MTO1: variants seen among roughly 807,000 people sequenced by gnomAD.
MTO1 encodes 5-taurinomethyluridine-[tRNA] synthase subunit MTO1, mitochondrial.
Under a neutral mutation model 71.6 loss-of-function variants are expected in MTO1, and 46 were observed. The observed-to-expected ratio is 0.64, with a 90% CI of 0.51 to 0.82. The LOEUF (loss-of-function observed/expected upper bound fraction) is 0.82. Among genes scored for constraint, MTO1 ranks in the 40% least tolerant of loss-of-function variants. MTO1 has a pLI of 0.00. For synonymous variants in MTO1, 297 were observed against 312.1 expected, an observed-to-expected ratio of 0.95 and a Z score of 0.51; for missense variants, 773 against 867.5, an observed-to-expected ratio of 0.89 and a Z score of 1.37.
At chr6:73,488,267 T>A (rs1381296771) in intron 9 of MTO1, among the ~76,000 whole-genome samples, 1 of 151,448 alleles carries the variant, frequency 6.6e-6, no homozygotes, top group Non-Finnish European at 1.5e-5. Flanking sequence ...TCAAGCTCCA[T>A]GACTCAGGTG....
chr6:73,500,505 T>A (rs1260944220), intron 11 of MTO1, 69 bp from the exon 12 acceptor site: 1 of 1,380,300 alleles, frequency 7.2e-7, no homozygotes, highest in Non-Finnish European at 9.9e-7. Context: ...AGATTGTTAT[T>A]TGGAGGAAAA....
chr6:73,466,330 A>G lies in MTO1; in HGVS notation c.339A>G (p.Val113=), dbSNP rs776394925. 47 of 1,614,040 alleles carry G rather than the reference A, an allele frequency of 2.9e-5. No individual in the cohort carries two copies. The highest frequency in any genetic ancestry group is 3.7e-5 in the Non-Finnish European group (44 of 1,180,042). Reference sequence around the variant, plus strand: ...ACCAGTCTGGTGTACATTATAAAGTATTAAACCGGCGTAAGGGACCAGCTG... The same window carrying G: ...ACCAGTCTGGTGTACATTATAAAGTGTTAAACCGGCGTAAGGGACCAGCTG... ...ICDQSGVHYK[V]LNRRKGPAVW... The change falls in exon 2 of 12, where the codon GTA becomes GTG. Residue 113 remains valine (V), a synonymous_variant. Coordinates refer to ENST00000498286, the MANE Select transcript of MTO1 (RefSeq NM_012123.4).
intron 9 of MTO1, among the ~76,000 whole-genome samples, chr6:73,485,404 G>C (rs1293374955): frequency 6.6e-6 from 1 of 151,532 alleles, no homozygotes; most frequent in Non-Finnish European, 1.5e-5. Flanking sequence ...TTTGATTTGA[G>C]AATATTTGCA....
intron 1 of MTO1, 53 bp downstream of exon 1, chr6:73,462,124 C>T (rs1194542942): frequency 1.3e-6 from 2 of 1,569,454 alleles, no homozygotes; most frequent in African/African-American, 1.4e-5. Context: ...CTGCTTCCTT[C>T]CCGCCTCCCC....
chr6:73,502,432 A>C lies in MTO1; in HGVS notation c.*1697A>C, dbSNP rs1276936987. 1 of 151,906 alleles carries C rather than the reference A, an allele frequency of 6.6e-6. No homozygotes were observed. Among genetic ancestry groups the C allele is most frequent in the Non-Finnish European group, 1.5e-5 (1 of 67,980 alleles). The allele number at this position is 151,906 out of a possible 1,614,324, so 9.4% of individuals were successfully genotyped here. On this transcript the variant is annotated 3_prime_UTR_variant, in exon 12 of 12. Coordinates refer to ENST00000498286, the MANE Select transcript of MTO1 (RefSeq NM_012123.4). Reference sequence around the variant, plus strand: ...GCACTCCAGCCTGGGCGACAGAGTGAGACTGTTTCAAAAAAAAGAAAAAGA... The same window carrying C: ...GCACTCCAGCCTGGGCGACAGAGTGCGACTGTTTCAAAAAAAAGAAAAAGA...
intron 1 of MTO1, among the ~76,000 whole-genome samples, chr6:73,465,567 AAAAAG>A (rs1770963566): frequency 6.6e-6 from 1 of 152,170 alleles, no homozygotes; most frequent in Non-Finnish European, 1.5e-5. Context: ...TGCTGTATCA[AAAAAG>A]AACAAATTTA....
At position 73,482,082 on chromosome 6, in the gene MTO1, A is replaced by G; in HGVS notation, c.1303A>G (p.Lys435Glu). Reference protein sequence around the residue: ...GINASLRVSRKPPFVVSRTEG... With the variant: ...GINASLRVSREPPFVVSRTEG... ...CAACGCCAGTCTTCGGGTCAGTCGC[A>G]AGCCTCCCTTTGTGGTTAGCCGAAC... Residue 435 changes from lysine to glutamate, a missense_variant, in exon 8 of 12, where the codon AAG (lysine) becomes GAG (glutamate). Physicochemically the swap from Lys to Glu is moderately conservative, Grantham distance 56. Transcript: ENST00000498286. 6.2e-7 allele frequency: 1 copy of G among 1,614,168 alleles called. No homozygotes were observed. Among genetic ancestry groups the G allele is most frequent in the Non-Finnish European group, 8.5e-7 (1 of 1,180,026 alleles).
At position 73,497,831 on chromosome 6, in the gene MTO1, A is replaced by G; in HGVS notation, c.1852A>G (p.Thr618Ala). Reference sequence around the variant, plus strand: ...ACTGCCAAAAGACCTAGATTATTTGACTATCAGGGATGTGTCTTTGTCCCA... The same window carrying G: ...ACTGCCAAAAGACCTAGATTATTTGGCTATCAGGGATGTGTCTTTGTCCCA... Reference protein sequence around the residue: ...LQLPKDLDYLTIRDVSLSHEV... With the variant: ...LQLPKDLDYLAIRDVSLSHEV... The change falls in exon 11 of 12, where the codon ACT becomes GCT. Residue 618 changes from threonine (T) to alanine (A), a missense_variant. Thr to Ala is a moderately conservative substitution (Grantham distance 58). Transcript: ENST00000498286. 6.2e-7 allele frequency: 1 copy of G among 1,613,986 alleles called. No individual in the cohort carries two copies. The highest frequency in any genetic ancestry group is 8.5e-7 in the Non-Finnish European group (1 of 1,179,870).
chr6:73,488,569 TTG>T (rs1771720226), intron 9 of MTO1, among the ~76,000 whole-genome samples: 1 of 152,102 alleles, frequency 6.6e-6, no homozygotes, highest in South Asian at 2.1e-4. Context: ...ATTCTGTGGA[TTG>T]TGTTTTCACT....
intron 9 of MTO1, among the ~76,000 whole-genome samples, chr6:73,484,938 T>G (rs116991265): frequency 0.022 from 3,383 of 151,560 alleles, 68 homozygotes; most frequent in Non-Finnish European, 0.036. Context: ...TCCCAGCTAT[T>G]CAAGAGGCTG....
At chr6:73,492,906 C>T (rs1235519666) in intron 10 of MTO1, among the ~76,000 whole-genome samples, 4 of 149,934 alleles carry the variant, frequency 2.7e-5, no homozygotes, top group African/African-American at 7.4e-5. Context: ...AGGTGATTTA[C>T]ATGCACATTT....
chr6:73,482,699 T>A, intron 9 of MTO1, 79 bp downstream of exon 9: 2 of 1,226,986 alleles, frequency 1.6e-6, no homozygotes, highest in Non-Finnish European at 2.2e-6. Flanking sequence ...AGACATTACC[T>A]ATGTGTTCCT....
chr6:73,499,557 A>C (rs1322746307), intron 11 of MTO1, among the ~76,000 whole-genome samples: 1 of 152,050 alleles, frequency 6.6e-6, no homozygotes, highest in Admixed American at 6.6e-5. Context: ...AATAAAATGT[A>C]AAATTCAGTT....
At chr6:73,494,778 T>C (rs1430239180) in intron 10 of MTO1, among the ~76,000 whole-genome samples, 1 of 148,260 alleles carries the variant, frequency 6.7e-6, no homozygotes, top group East Asian at 2.0e-4. Flanking sequence ...TCCTGGCCTT[T>C]TTTTTTTTTT....
At position 73,466,543 on chromosome 6, in the gene MTO1, C is replaced by T. The variant is rs1246214730; in HGVS notation, c.472C>T (p.Leu158Phe). Residue 158 changes from leucine (L) to phenylalanine (F), a missense_variant, in exon 3 of 12, where the codon CTT (leucine) becomes TTT (phenylalanine). Transcript: ENST00000498286. The stretch of plus-strand genomic sequence containing the variant: ...TGTTCAGGAGGGAGCTGTAGAAGAT[C>T]TTATTCTTACAGAACCAGAGCCTGA... Reference protein sequence around the residue: ...LTVQEGAVEDLILTEPEPEHT... With the variant: ...LTVQEGAVEDFILTEPEPEHT... 6.2e-7 allele frequency: 1 copy of T among 1,614,038 alleles called. No homozygotes were observed. Among genetic ancestry groups the T allele is most frequent in the Admixed American group, 1.7e-5 (1 of 59,980 alleles).
In MTO1 at chr6:73,482,225, C is replaced by G. The variant is rs2150037248; in HGVS notation, c.1446C>G (p.Asp482Glu). 2.5e-6 allele frequency: 4 copies of G among 1,614,134 alleles called. No individual in the cohort carries two copies. The highest frequency in any genetic ancestry group is 3.4e-6 in the Non-Finnish European group (4 of 1,180,034). ...FRLSLRPDNA[D>E]SRLTLRGYKD... ...TGTCACTGCGCCCTGATAATGCTGA[C>G]AGCCGGCTCACACTGCGAGGTAACT... The change falls in exon 8 of 12, where the codon GAC becomes GAG. Residue 482 changes from aspartate to glutamate, a missense_variant. By Grantham distance (45) the Asp-to-Glu change is conservative. Transcript: ENST00000498286.
rs116172716 is a variant in MTO1 at position 73,471,681 on chromosome 6, G to T, written c.536-1684G>T. 6.8e-3 allele frequency: 1,280 copies of T among 188,058 alleles called. 23 individuals carry two copies. The highest frequency in any genetic ancestry group is 0.028 in the African/African-American group (1,176 of 41,954). The allele number at this position is 188,058 out of a possible 1,614,324, so 11.6% of individuals were successfully genotyped here. ...GATCTTCCTGCCCCAGTCTCTCAAAGTGTTCATATTATAGTCATGAGCCAC... is the reference window on the plus strand; with the variant it reads ...GATCTTCCTGCCCCAGTCTCTCAAATTGTTCATATTATAGTCATGAGCCAC... On this transcript the variant is annotated intron_variant, in intron 3 of 11. Coordinates refer to ENST00000498286, the MANE Select transcript of MTO1 (RefSeq NM_012123.4).
chr6:73,469,998 G>A (rs746645153), intron 3 of MTO1, among the ~76,000 whole-genome samples: 17 of 151,534 alleles, frequency 1.1e-4, no homozygotes, highest in Non-Finnish European at 2.1e-4. Context: ...GCAAAACTCC[G>A]TCTCAAAAAA....
At chr6:73,473,721 C>T (rs912568604) in intron 4 of MTO1, 67 bp downstream of exon 4, 167 of 848,004 alleles carry the variant, frequency 2.0e-4, no homozygotes, top group South Asian at 4.1e-4. Flanking sequence ...AGTACTGTAA[C>T]TTTTTTTTTT....
Sources: gnomAD v4.1 joint callset for allele counts (sites outside exome capture counted in the v4.1 genomes callset) on GRCh38, gnomAD v4.1.1 for gene constraint, MANE v1.5 for transcripts, NCBI Gene and HGNC (gene_info 2026-07-23, HGNC 2026-07-21) for gene names.